The following TNNI3K variants were observed in gnomAD, a reference collection of about 807,000 sequenced individuals.
TNNI3K encodes serine/threonine-protein kinase TNNI3K.
In TNNI3K, 140 loss-of-function variants were observed where a neutral mutation model predicts 114.5. The observed-to-expected ratio is 1.22, with a 90% confidence interval of 1.07 to 1.41. The LOEUF (loss-of-function observed/expected upper bound fraction) is 1.41. TNNI3K is among the 40% of genes most tolerant of loss of function. The pLI is 0.00. For missense variants in TNNI3K, 1,125 were observed against 1,007.6 expected (o/e 1.12, Z -1.58); for synonymous variants, 347 against 347.5 (o/e 1.00, Z 0.02).
intron 17 of TNNI3K, among the ~76,000 whole-genome samples, chr1:74,383,948 C>CAA (rs1203941029): frequency 6.6e-6 from 1 of 151,926 alleles, no homozygotes; most frequent in Non-Finnish European, 1.5e-5. Context: ...AAGGTTATTA[C>CAA]ACACACTAGA....
At chr1:74,533,518 T>C (rs2100447387) in intron 23 of TNNI3K, among the ~76,000 whole-genome samples, 1 of 152,266 alleles carries the variant, frequency 6.6e-6, no homozygotes, top group South Asian at 2.1e-4. Context: ...TCCTCAGGGA[T>C]CTAGAACTAG....
intron 17 of TNNI3K, among the ~76,000 whole-genome samples, chr1:74,380,803 G>T (rs764896422): frequency 6.6e-6 from 1 of 152,044 alleles, no homozygotes; most frequent in African/African-American, 2.4e-5. Flanking sequence ...TAATGCTGCC[G>T]TGTGGTAATC....
intron 9 of TNNI3K, among the ~76,000 whole-genome samples, chr1:74,351,420 T>G (rs984428134): frequency 1.3e-5 from 2 of 151,942 alleles, no homozygotes; most frequent in Non-Finnish European, 2.9e-5. Flanking sequence ...TATTTCAACT[T>G]TGGTGAATCT....
intron 21 of TNNI3K, chr1:74,468,845 A>G (rs567914533): frequency 3.6e-4 from 55 of 152,266 alleles, no homozygotes; most frequent in African/African-American, 1.3e-3. Flanking sequence ...GGTATGCTTC[A>G]AATATTTTTT....
At chr1:74,505,973 G>T (rs1449822872) in intron 23 of TNNI3K, among the ~76,000 whole-genome samples, 2 of 152,148 alleles carry the variant, frequency 1.3e-5, no homozygotes, top group Non-Finnish European at 2.9e-5. Context: ...CAAAGAGAAA[G>T]TAAAAAAATG....
chr1:74,474,381 G>A (rs1431036083), intron 21 of TNNI3K, among the ~76,000 whole-genome samples: 3 of 152,050 alleles, frequency 2.0e-5, no homozygotes, highest in Non-Finnish European at 2.9e-5. Flanking sequence ...CTGGAGTGTG[G>A]GAATGCAATG....
At chr1:74,479,744 A>G (rs969904236) in intron 21 of TNNI3K, among the ~76,000 whole-genome samples, 3 of 152,238 alleles carry the variant, frequency 2.0e-5, no homozygotes, top group African/African-American at 4.8e-5. Flanking sequence ...GAAAGAGTCT[A>G]TGTCCCATCA....
At chr1:74,443,501 A>G (rs1320467321) in intron 20 of TNNI3K, among the ~76,000 whole-genome samples, 2 of 152,148 alleles carry the variant, frequency 1.3e-5, no homozygotes, top group African/African-American at 4.8e-5. Flanking sequence ...AAGTTCTGAA[A>G]TTGAGGCAAT....
intron 4 of TNNI3K, among the ~76,000 whole-genome samples, chr1:74,270,883 A>C (rs139261188): frequency 0.013 from 1,924 of 150,888 alleles, 14 homozygotes; most frequent in Non-Finnish European, 0.019. Context: ...ATTGCTATTA[A>C]TATTATAAAT....
At chr1:74,266,323 T>C (rs1655985720) in intron 4 of TNNI3K, among the ~76,000 whole-genome samples, 1 of 152,012 alleles carries the variant, frequency 6.6e-6, no homozygotes, top group South Asian at 2.1e-4. Flanking sequence ...CATTTTCTTA[T>C]ACCATGGCTG....
chr1:74,356,733 C>G (rs1178395119), intron 11 of TNNI3K, among the ~76,000 whole-genome samples: 1 of 152,186 alleles, frequency 6.6e-6, no homozygotes, highest in Non-Finnish European at 1.5e-5. Flanking sequence ...TTCTATGAAA[C>G]AGTGAATCAT....
chr1:74,256,535 T>C (rs1655323795), intron 4 of TNNI3K, among the ~76,000 whole-genome samples: 1 of 151,996 alleles, frequency 6.6e-6, no homozygotes, highest in Non-Finnish European at 1.5e-5. Context: ...TTCTTGAATA[T>C]ACTTTTGCAA....
Position 74,354,023 on chromosome 1 carries a change from G to T in TNNI3K, c.1071G>T (p.Gln357His), listed in dbSNP as rs1261071480. 5.0e-6 allele frequency: 8 copies of T among 1,613,912 alleles called. No homozygotes were observed. Among genetic ancestry groups the T allele is most frequent in the African/African-American group, 1.3e-5 (1 of 74,880 alleles). ...ACYHGHIRLV[Q>H]FLLDNGADMN... ...ACCACGGTCACATTCGCCTGGTTCA[G>T]TTCTTACTGGATAATGGAGCTGATA... Residue 357 changes from glutamine (Q) to histidine (H), a missense_variant, in exon 11 of 25, where the codon CAG becomes CAT. Transcript: ENST00000326637.
intron 11 of TNNI3K, among the ~76,000 whole-genome samples, chr1:74,360,951 T>G (rs908387043): frequency 6.6e-6 from 1 of 152,090 alleles, no homozygotes; most frequent in African/African-American, 2.4e-5. Context: ...TGACTCCTAA[T>G]AGATATTCAT....
At chr1:74,309,770 A>T (rs1474013871) in intron 5 of TNNI3K, among the ~76,000 whole-genome samples, 1 of 152,208 alleles carries the variant, frequency 6.6e-6, no homozygotes, top group African/African-American at 2.4e-5. Flanking sequence ...CCTTCATGAT[A>T]AAAATCCTCA....
At chr1:74,421,950 TTTATTATTATTATTATTATTATTA>T (rs137874168) in intron 17 of TNNI3K, among the ~76,000 whole-genome samples, 5 of 145,410 alleles carry the variant, frequency 3.4e-5, no homozygotes, top group Non-Finnish European at 7.5e-5. Context: ...CTGGATTGCT[TTTATTATTATTATTATTATTATTA>T]TTATTATTAT....
chr1:74,398,021 T>A (rs1391535401), intron 17 of TNNI3K, among the ~76,000 whole-genome samples: 1 of 152,174 alleles, frequency 6.6e-6, no homozygotes, highest in East Asian at 1.9e-4. Context: ...GGAGAACTGG[T>A]TAAAAACGTT....
At chr1:74,289,674 C>T (rs1211258387) in intron 5 of TNNI3K, among the ~76,000 whole-genome samples, 2 of 151,924 alleles carry the variant, frequency 1.3e-5, no homozygotes, top group South Asian at 2.1e-4. Flanking sequence ...CGAAATACTG[C>T]TGTCAAAATT....
At chr1:74,327,081 A>G (rs1378354251) in intron 5 of TNNI3K, among the ~76,000 whole-genome samples, 1 of 146,070 alleles carries the variant, frequency 6.8e-6, no homozygotes, top group Non-Finnish European at 1.5e-5. Context: ...CTCCGTGTCA[A>G]AAAAAAAAAA....
Sources: allele counts gnomAD v4.1 joint callset (sites outside exome capture counted in the v4.1 genomes callset), GRCh38; gene constraint gnomAD v4.1.1; transcripts MANE v1.5; gene names NCBI Gene and HGNC (gene_info 2026-07-23, HGNC 2026-07-21).